EXOC6B: variants seen among roughly 807,000 people sequenced by gnomAD.
The protein encoded by EXOC6B is SEC15 homolog B.
In EXOC6B, 54 loss-of-function variants were observed where a neutral mutation model predicts 113.5. That is an observed-to-expected ratio of 0.48 (90% confidence interval 0.38 to 0.60). The LOEUF (loss-of-function observed/expected upper bound fraction) is 0.60, where lower values mean the gene tolerates loss of function less well. Among genes scored for constraint, EXOC6B ranks in the 20% least tolerant of loss-of-function variants. The pLI is 0.00. For missense variants in EXOC6B, 797 were observed against 977.5 expected, an observed-to-expected ratio of 0.82 and a Z score of 2.46; for synonymous variants, 357 against 339.0, an observed-to-expected ratio of 1.05 and a Z score of -0.58.
rs929694969 is a variant in EXOC6B, at chr2:72,678,011, T to TA, written c.669+40091dup. Among the ~76,000 whole-genome samples the TA allele has an allele frequency of 1.4e-4, 21 of 151,602 alleles. No individual in the cohort carries two copies. In the East Asian group the frequency reaches 2.1e-3, roughly 15 times the overall value. On this transcript the variant is annotated intron_variant, in intron 6 of 21. Coordinates refer to ENST00000272427, the MANE Select transcript of EXOC6B (RefSeq NM_015189.3). ...TGCAGTAGGACTCTCTAGATTTAAT[T>TA]AAAAAAAAATATTTAAAAGAATAAC... is the stretch of plus-strand genomic sequence containing the variant.
At chr2:72,281,752 C>T (rs1685146570) in intron 20 of EXOC6B, among the ~76,000 whole-genome samples, 1 of 152,168 alleles carries the variant, frequency 6.6e-6, no homozygotes, top group Non-Finnish European at 1.5e-5. Context: ...GAATCTTAAA[C>T]CCTACACAGG....
chr2:72,801,689 C>G (rs756104776), intron 1 of EXOC6B, among the ~76,000 whole-genome samples: 1 of 152,070 alleles, frequency 6.6e-6, no homozygotes, highest in African/African-American at 2.4e-5. Flanking sequence ...ATCAAAACCA[C>G]GATGGAAATT....
chr2:72,360,122 C>T (rs894690624), intron 19 of EXOC6B, among the ~76,000 whole-genome samples: 2 of 151,740 alleles, frequency 1.3e-5, no homozygotes, highest in African/African-American at 4.8e-5. Context: ...GGGTCTTGCT[C>T]TGCCACCCAA....
chr2:72,481,891 G>A (rs1189386900), intron 16 of EXOC6B, among the ~76,000 whole-genome samples: 2 of 152,120 alleles, frequency 1.3e-5, no homozygotes, highest in Admixed American at 6.5e-5. Flanking sequence ...ATTATTGTCT[G>A]TATAGAATTA....
At chr2:72,614,371 A>C (rs1017398679) in intron 6 of EXOC6B, among the ~76,000 whole-genome samples, 7 of 152,136 alleles carry the variant, frequency 4.6e-5, no homozygotes, top group Non-Finnish European at 8.8e-5. Flanking sequence ...GGAGATAAAG[A>C]GGGGAATTTC....
chr2:72,326,161 A>G (rs1688115416), intron 20 of EXOC6B, among the ~76,000 whole-genome samples: 1 of 152,096 alleles, frequency 6.6e-6, no homozygotes, highest in Non-Finnish European at 1.5e-5. Context: ...TTCAAAACCT[A>G]GCAGTTTTCA....
chr2:72,214,487 CAAAAAAA>C (rs11355575), intron 20 of EXOC6B, among the ~76,000 whole-genome samples: 1 of 105,230 alleles, frequency 9.5e-6, no homozygotes, highest in Non-Finnish European at 2.1e-5. Context: ...TGAGACTTGT[CAAAAAAA>C]AAAAAAAAAA....
chr2:72,480,395 T>C (rs1699009690), intron 17 of EXOC6B, among the ~76,000 whole-genome samples: 1 of 152,160 alleles, frequency 6.6e-6, no homozygotes, highest in Non-Finnish European at 1.5e-5. Flanking sequence ...AGAGACACAG[T>C]TGTAGTTGTT....
Position 72,305,349 on chromosome 2 carries a change from T to TATATGA in EXOC6B, c.2196+29597_2196+29598insTCATAT, listed in dbSNP as rs1412374147. Among the ~76,000 whole-genome samples the TATATGA allele has an allele frequency of 2.1e-4, 32 of 151,658 alleles. 1 individual carries two copies. Among genetic ancestry groups the TATATGA allele is most frequent in the Non-Finnish European group, 1.5e-5 (1 of 67,954 alleles). On this transcript the variant is annotated intron_variant, in intron 20 of 21. Transcript: ENST00000272427. ...GTATATGTATATGTATATGTATATG[T>TATATGA]ATATGTATATGTATATGTATATGTG...
chr2:72,718,098 C>A lies in EXOC6B; in HGVS notation c.669+5G>T. On this transcript the variant is annotated splice_donor_5th_base_variant and intron_variant, in intron 6 of 21. Transcript: ENST00000272427. ...TGGCCAACCTATCATAAACCCAAGACCTACTTGCTTCATGGCAGTCTCTCC... is the reference window on the plus strand; with the variant it reads ...TGGCCAACCTATCATAAACCCAAGAACTACTTGCTTCATGGCAGTCTCTCC... 1 of 1,600,514 alleles carries A rather than the reference C, an allele frequency of 6.2e-7. No homozygotes were observed. Among genetic ancestry groups the A allele is most frequent in the Non-Finnish European group, 8.5e-7 (1 of 1,172,892 alleles).
chr2:72,304,153 C>T (rs1686695297), intron 20 of EXOC6B, among the ~76,000 whole-genome samples: 2 of 152,160 alleles, frequency 1.3e-5, no homozygotes, highest in South Asian at 2.1e-4. Flanking sequence ...ACTGCCTCAA[C>T]CTTTTTAAGG....
intron 18 of EXOC6B, among the ~76,000 whole-genome samples, chr2:72,422,486 T>C (rs557646324): frequency 6.6e-6 from 1 of 151,154 alleles, no homozygotes; most frequent in African/African-American, 2.5e-5. Flanking sequence ...ACCCTGTGTC[T>C]AGCTCAAGAT....
chr2:72,293,355 G>A (rs1452381958), intron 20 of EXOC6B, among the ~76,000 whole-genome samples: 2 of 152,102 alleles, frequency 1.3e-5, no homozygotes, highest in African/African-American at 2.4e-5. Flanking sequence ...CACAATATGG[G>A]CACAGATTGG....
At chr2:72,403,077 C>G (rs570689543) in intron 18 of EXOC6B, among the ~76,000 whole-genome samples, 8 of 152,316 alleles carry the variant, frequency 5.3e-5, no homozygotes, top group African/African-American at 1.4e-4. Flanking sequence ...CAGGCTTGCA[C>G]TGAGCCCAGA....
At chr2:72,453,269 C>A (rs1410134897) in intron 18 of EXOC6B, among the ~76,000 whole-genome samples, 1 of 151,954 alleles carries the variant, frequency 6.6e-6, no homozygotes, top group African/African-American at 2.4e-5. Context: ...GATACTGGCA[C>A]GTAAAAGAAT....
chr2:72,617,771 G>A (rs187611298), intron 6 of EXOC6B, among the ~76,000 whole-genome samples: 152 of 151,886 alleles, frequency 1.0e-3, no homozygotes, highest in African/African-American at 3.4e-3. Context: ...TGCCTCAGCC[G>A]CCCAAAGTGC....
chr2:72,203,249 T>C (rs1408123108), intron 20 of EXOC6B, among the ~76,000 whole-genome samples: 1 of 152,192 alleles, frequency 6.6e-6, no homozygotes, highest in Non-Finnish European at 1.5e-5. Flanking sequence ...AAGAAGTCCT[T>C]TTCAATCAGT....
chr2:72,212,025 GA>G (rs879396641), intron 20 of EXOC6B, among the ~76,000 whole-genome samples: 49 of 144,618 alleles, frequency 3.4e-4, no homozygotes, highest in South Asian at 6.6e-4. Flanking sequence ...TGCCGAAGTG[GA>G]AAAAAAAAAA....
At chr2:72,706,617 T>A (rs1199950596) in intron 6 of EXOC6B, among the ~76,000 whole-genome samples, 1 of 152,190 alleles carries the variant, frequency 6.6e-6, no homozygotes, top group African/African-American at 2.4e-5. Context: ...TGGGTAACTA[T>A]CATCAGCTGA....
Sources: allele counts gnomAD v4.1 joint callset (sites outside exome capture counted in the v4.1 genomes callset), GRCh38; gene constraint gnomAD v4.1.1; transcripts MANE v1.5; gene names NCBI Gene and HGNC (gene_info 2026-07-23, HGNC 2026-07-21).